Variants in ADAMTS18 observed in about 807,000 individuals in gnomAD.
ADAMTS18 encodes the protein ADAM metallopeptidase with thrombospondin type 1 motif 18.
Under a neutral mutation model 165.9 loss-of-function variants are expected in ADAMTS18, and 157 were observed. That is an observed-to-expected ratio of 0.95 (90% CI 0.83 to 1.08). The LOEUF is 1.08. Ranked by LOEUF, ADAMTS18 falls within the 50% of genes least tolerant of loss-of-function variation. The probability of loss-of-function intolerance (pLI) is 0.00; values close to 1 mark genes in which losing one functional copy is unlikely to be tolerated. For missense variants in ADAMTS18, 2,040 were observed against 1,534.0 expected, an observed-to-expected ratio of 1.33 and a Z score of -5.51; for synonymous variants, 782 against 578.2, an observed-to-expected ratio of 1.35 and a Z score of -5.06.
At chr16:77,397,633 C>CA (rs2057275623) in intron 3 of ADAMTS18, among the ~76,000 whole-genome samples, 1 of 151,950 alleles carries the variant, frequency 6.6e-6, no homozygotes, top group Non-Finnish European at 1.5e-5. Flanking sequence ...AGGATTTATA[C>CA]AAAAAAAGAG....
intron 16 of ADAMTS18, among the ~76,000 whole-genome samples, chr16:77,319,642 C>G (rs574547473): frequency 6.6e-5 from 10 of 152,142 alleles, no homozygotes; most frequent in Non-Finnish European, 2.9e-5. Context: ...GGGTTTTCAC[C>G]ACGTTGGCTA....
At position 77,297,379 on chromosome 16, in the gene ADAMTS18, T is replaced by C; in HGVS notation, c.2711A>G (p.Gln904Arg). ...GAATGAGGAATTGACTTGAGTATTT[T>C]GATCTCGCAAGCAAATGGCCTTTAC... ...INVKAICLRDQNTQVNSSFCS... is the reference protein window; with the variant it reads ...INVKAICLRDRNTQVNSSFCS... Residue 904 changes from glutamine (Q) to arginine (R), a missense_variant, in exon 18 of 23, where the codon CAA becomes CGA. Transcript: ENST00000282849. 1.9e-6 allele frequency: 3 copies of C among 1,613,776 alleles called. No individual in the cohort carries two copies. Among genetic ancestry groups the C allele is most frequent in the Non-Finnish European group, 2.5e-6 (3 of 1,179,656 alleles).
chr16:77,363,888 G>A lies in ADAMTS18; in HGVS notation c.973-3C>T, dbSNP rs776965550. Reference sequence around the variant, plus strand: ...CCATCTTTAAATAGGCCAGAAACCTGTTGGAACAATGGAAATCAAACAAAA... The same window carrying A: ...CCATCTTTAAATAGGCCAGAAACCTATTGGAACAATGGAAATCAAACAAAA... On this transcript the variant is annotated splice_region_variant and splice_polypyrimidine_tract_variant and intron_variant, in intron 5 of 22. Coordinates refer to ENST00000282849, the MANE Select transcript of ADAMTS18 (RefSeq NM_199355.4). 5 of 1,613,724 alleles carry A rather than the reference G, an allele frequency of 3.1e-6. No individual in the cohort carries two copies. In the South Asian group the frequency reaches 5.5e-5, roughly 18 times the overall value.
Position 77,283,921 on chromosome 16 carries a change from C to A in ADAMTS18, c.*35G>T. 2.0e-6 allele frequency: 3 copies of A among 1,528,970 alleles called. No individual in the cohort carries two copies. Among genetic ancestry groups the A allele is most frequent in the Middle Eastern group, 1.7e-4 (1 of 5,898 alleles). The allele number at this position is 1,528,970 out of a possible 1,614,324, so 94.7% of individuals were successfully genotyped here. On this transcript the variant is annotated 3_prime_UTR_variant, in exon 23 of 23. Coordinates refer to ENST00000282849, the MANE Select transcript of ADAMTS18 (RefSeq NM_199355.4). ...GTCTCTCTAGAGGTTGAAAGGTAAG[C>A]CCCTGGCCCTAAGGTGCTGGGGAGG...
intron 15 of ADAMTS18, among the ~76,000 whole-genome samples, chr16:77,320,414 G>A (rs917511435): frequency 6.6e-6 from 1 of 152,124 alleles, no homozygotes; most frequent in African/African-American, 2.4e-5. Context: ...CAAAGTGGGC[G>A]GATCACCCAA....
At chr16:77,404,651 T>C (rs1289130835) in intron 3 of ADAMTS18, among the ~76,000 whole-genome samples, 1 of 152,180 alleles carries the variant, frequency 6.6e-6, no homozygotes, top group Admixed American at 6.5e-5. Flanking sequence ...TGAAAGGATA[T>C]AACTTCCCTA....
intron 10 of ADAMTS18, among the ~76,000 whole-genome samples, chr16:77,347,005 C>A (rs2056486919): frequency 6.6e-6 from 1 of 152,156 alleles, no homozygotes; most frequent in Non-Finnish European, 1.5e-5. Context: ...TGATTTCGGT[C>A]ACCAATAGGT....
intron 3 of ADAMTS18, among the ~76,000 whole-genome samples, chr16:77,374,836 G>A (rs1031529219): frequency 6.6e-6 from 1 of 152,092 alleles, no homozygotes; most frequent in Non-Finnish European, 1.5e-5. Flanking sequence ...CCTATTCAGA[G>A]TGACAAGGAC....
chr16:77,320,979 G>A, intron 15 of ADAMTS18, 100 bp downstream of exon 15: 1 of 1,440,148 alleles, frequency 6.9e-7, no homozygotes. Flanking sequence ...AGTGTGTCCA[G>A]TGAACTAGTA....
intron 9 of ADAMTS18, among the ~76,000 whole-genome samples, chr16:77,355,263 G>A (rs907861061): frequency 1.3e-5 from 2 of 149,272 alleles, no homozygotes; most frequent in African/African-American, 2.5e-5. Context: ...TGTTTAATAT[G>A]AATTAAATAG....
intron 3 of ADAMTS18, among the ~76,000 whole-genome samples, chr16:77,425,046 G>C (rs907380199): frequency 3.9e-5 from 6 of 152,152 alleles, no homozygotes; most frequent in African/African-American, 1.4e-4. Flanking sequence ...AGCTTTCTGA[G>C]TCATAAAATA....
chr16:77,336,411 TA>T (rs1443494292), intron 11 of ADAMTS18, among the ~76,000 whole-genome samples: 2 of 152,230 alleles, frequency 1.3e-5, no homozygotes, highest in Non-Finnish European at 1.5e-5. Flanking sequence ...TATCTTATCA[TA>T]AAATAGATAC....
intron 18 of ADAMTS18, 125 bp downstream of exon 18, chr16:77,297,164 G>A: frequency 2.2e-6 from 3 of 1,381,772 alleles, no homozygotes; most frequent in Non-Finnish European, 3.1e-6. Flanking sequence ...ACTTTTTAAA[G>A]TATTGCGTCT....
In ADAMTS18 at chr16:77,295,214, T is replaced by C. The variant is rs1458126979; in HGVS notation, c.2802-87A>G. The C allele has an allele frequency of 2.2e-5, 30 of 1,363,240 alleles. No homozygotes were observed. The East Asian group carries it at 2.8e-4, about 13-fold the overall frequency. 84.4% of individuals were successfully genotyped at this position (1,363,240 alleles called of 1,614,324 possible). A position where few individuals can be genotyped will look rare whatever the true frequency, so the allele number is the denominator to read the frequency against. On this transcript the variant is annotated intron_variant, in intron 18 of 22. Coordinates refer to ENST00000282849, the MANE Select transcript of ADAMTS18 (RefSeq NM_199355.4). The stretch of plus-strand genomic sequence containing the variant: ...GTTACTGTGAAAGGTAAACCACCTA[T>C]GGAAGCCATGAATCAATTTCAGAAC...
At chr16:77,343,383 C>T (rs911858624) in intron 10 of ADAMTS18, among the ~76,000 whole-genome samples, 1 of 152,184 alleles carries the variant, frequency 6.6e-6, no homozygotes, top group Non-Finnish European at 1.5e-5. Context: ...CTGATTTTAG[C>T]CCTTTCAAAT....
At chr16:77,384,678 G>C (rs1000676450) in intron 3 of ADAMTS18, among the ~76,000 whole-genome samples, 1 of 152,168 alleles carries the variant, frequency 6.6e-6, no homozygotes, top group Non-Finnish European at 1.5e-5. Flanking sequence ...TAGCAGTGAA[G>C]ATTGTACTAA....
In ADAMTS18 at chr16:77,329,980, T is replaced by C. The variant is rs531515733; in HGVS notation, c.1860-3942A>G. The stretch of plus-strand genomic sequence containing the variant: ...ACAATGGTGTTGCTTGGAAGAGTAT[T>C]AGAATCACTTGGAGAGCTCTGTTAA... On this transcript the variant is annotated intron_variant, in intron 12 of 22. Transcript: ENST00000282849. Among the ~76,000 whole-genome samples the C allele has an allele frequency of 2.0e-5, 3 of 152,346 alleles. No homozygotes were observed. The South Asian group carries it at 6.2e-4, about 32-fold the overall frequency.
chr16:77,303,094 C>G (rs1409101794), intron 16 of ADAMTS18, among the ~76,000 whole-genome samples: 1 of 152,196 alleles, frequency 6.6e-6, no homozygotes, highest in Non-Finnish European at 1.5e-5. Context: ...TGCTGTCACT[C>G]AGGATGCCCT....
intron 3 of ADAMTS18, among the ~76,000 whole-genome samples, chr16:77,400,774 G>A (rs1192572920): frequency 1.3e-5 from 2 of 151,904 alleles, no homozygotes; most frequent in Non-Finnish European, 2.9e-5. Flanking sequence ...TGGCCTCTCT[G>A]TGGTTCTTAA....
Sources: allele counts gnomAD v4.1 joint callset (sites outside exome capture counted in the v4.1 genomes callset), GRCh38; gene constraint gnomAD v4.1.1; transcripts MANE v1.5; gene names NCBI Gene and HGNC (gene_info 2026-07-23, HGNC 2026-07-21).